The following TNK2 variants were observed in gnomAD, a reference collection of about 807,000 sequenced individuals.
TNK2 encodes activated CDC42 kinase 1.
Under a neutral mutation model 101.8 loss-of-function variants are expected in TNK2, and 83 were observed. That is an observed-to-expected ratio of 0.82 (90% confidence interval 0.68 to 0.98). The LOEUF (loss-of-function observed/expected upper bound fraction) is 0.98, where lower values mean the gene tolerates loss of function less well. Ranked by LOEUF, TNK2 falls within the 50% of genes least tolerant of loss-of-function variation. The pLI is 0.00. For synonymous variants in TNK2, 804 were observed against 633.0 expected (o/e 1.27, Z -4.06); for missense variants, 1,665 against 1,483.2 (o/e 1.12, Z -2.01).
At chr3:195,902,386 G>A (rs1761292438) in intron 1 of TNK2, among the ~76,000 whole-genome samples, 1 of 152,162 alleles carries the variant, frequency 6.6e-6, no homozygotes, top group African/African-American at 2.4e-5. Flanking sequence ...GGGAGGCCGA[G>A]GTGGGCGAAT....
intron 12 of TNK2, 61 bp from the exon 13 acceptor site, chr3:195,868,770 G>T: frequency 6.8e-7 from 1 of 1,473,770 alleles, no homozygotes. Context: ...GACACGAGGG[G>T]AGGTGGCACG....
At chr3:195,892,280 G>A (rs993217214) in intron 1 of TNK2, 34 of 937,532 alleles carry the variant, frequency 3.6e-5, no homozygotes, top group Non-Finnish European at 4.9e-5. Flanking sequence ...CACTTGGCCC[G>A]GACTCCCCGT....
chr3:195,869,566 G>C (rs373262085), intron 11 of TNK2, 25 bp from the exon 12 acceptor site: 48 of 1,551,028 alleles, frequency 3.1e-5, no homozygotes, highest in South Asian at 2.5e-4. Flanking sequence ...ATGCGGACAG[G>C]GGGAGAGAGA....
chr3:195,886,641 C>A lies in TNK2; in HGVS notation c.234+336G>T, dbSNP rs555034897. ...GGGTCCAGACAGGTCCACCACCCCACGCTGGACACTGGCCCCAACGCTCAG... is the reference window on the plus strand; with the variant it reads ...GGGTCCAGACAGGTCCACCACCCCAAGCTGGACACTGGCCCCAACGCTCAG... On this transcript the variant is annotated intron_variant, in intron 3 of 15. Transcript: ENST00000672887. The surrounding 1 kb of genome is among the most constrained non-coding windows in gnomAD (Gnocchi z 4.2). Among the ~76,000 whole-genome samples the A allele has an allele frequency of 6.6e-6, 1 of 152,144 alleles. No individual in the cohort carries two copies. The highest frequency in any genetic ancestry group is 1.5e-5 in the Non-Finnish European group (1 of 68,012).
intron 12 of TNK2, 21 bp downstream of exon 12, chr3:195,869,476 A>G (rs1375316371): frequency 2.0e-6 from 3 of 1,519,752 alleles, no homozygotes; most frequent in South Asian, 2.4e-5. Flanking sequence ...GGGCCAAGGC[A>G]TCGGAAGCAG....
intron 4 of TNK2, 178 bp downstream of exon 4, chr3:195,884,634 A>C: frequency 1.2e-5 from 7 of 585,958 alleles, no homozygotes; most frequent in Non-Finnish European, 2.1e-5. Flanking sequence ...ACAGAGCGAG[A>C]CTCCATCTCA....
intron 6 of TNK2, among the ~76,000 whole-genome samples, chr3:195,879,996 G>A (rs1024458007): frequency 1.8e-4 from 27 of 152,222 alleles, no homozygotes; most frequent in East Asian, 1.5e-3. Context: ...ACCTCTGCTC[G>A]CCCTGGGTGT....
chr3:195,873,820 G>A (rs543898805), intron 9 of TNK2, among the ~76,000 whole-genome samples: 1 of 151,590 alleles, frequency 6.6e-6, no homozygotes, highest in Admixed American at 6.6e-5. Context: ...GGTCGGCGGG[G>A]AGGCGGGGGG....
At chr3:195,893,471 C>T (rs529721549) in intron 1 of TNK2, among the ~76,000 whole-genome samples, 3 of 152,178 alleles carry the variant, frequency 2.0e-5, no homozygotes, top group African/African-American at 7.2e-5. Context: ...GCTGGGACGC[C>T]CCCACCCCAA....
At chr3:195,894,093 C>T (rs1028349466) in intron 1 of TNK2, among the ~76,000 whole-genome samples, 1 of 152,170 alleles carries the variant, frequency 6.6e-6, no homozygotes, top group African/African-American at 2.4e-5. Context: ...TGACTTTTCC[C>T]CAAACCTTGG....
chr3:195,868,142 G>T lies in TNK2; in HGVS notation c.2156C>A (p.Ala719Glu). The T allele has an allele frequency of 6.2e-7, 1 of 1,611,498 alleles. No individual in the cohort carries two copies. The change falls in exon 13 of 16, where the codon GCA becomes GAA. Residue 719 changes from alanine (A) to glutamate (E), a missense_variant. By Grantham distance (107) the Ala-to-Glu change is moderately radical. Around this residue, in one of 3 missense-constraint regions of TNK2, gnomAD observed 1,136 missense variants for 894.9 expected, o/e 1.27. Coordinates refer to ENST00000672887, the MANE Select transcript of TNK2 (RefSeq NM_001382273.1). ...GGKPPSSAQT[A>E]EIFQALQQEC... Reference sequence around the variant, plus strand: ...CTGCTGTAGCGCCTGGAAGATCTCTGCGGTCTGTGCGGAGCTGGGCGGCTT... The same window carrying T: ...CTGCTGTAGCGCCTGGAAGATCTCTTCGGTCTGTGCGGAGCTGGGCGGCTT...
intron 9 of TNK2, among the ~76,000 whole-genome samples, chr3:195,873,527 A>T (rs1441919581): frequency 2.0e-5 from 3 of 150,770 alleles, no homozygotes; most frequent in Non-Finnish European, 4.4e-5. Flanking sequence ...CCGTGGGCAG[A>T]GTCTGGGCAC....
chr3:195,885,268 G>T lies in TNK2; in HGVS notation c.235-235C>A. The T allele has an allele frequency of 6.0e-6, 7 of 1,163,596 alleles. No individual in the cohort carries two copies. The highest frequency in any genetic ancestry group is 7.0e-6 in the Non-Finnish European group (6 of 854,054). The allele number at this position is 1,163,596 out of a possible 1,614,324, so 72.1% of individuals were successfully genotyped here. Reference sequence around the variant, plus strand: ...TCAAGGAGGGTGCCAGAAAGAGACCGACAGGCATGCAGCCTGTGGCTGAGC... The same window carrying T: ...TCAAGGAGGGTGCCAGAAAGAGACCTACAGGCATGCAGCCTGTGGCTGAGC... On this transcript the variant is annotated intron_variant, in intron 3 of 15. Coordinates refer to ENST00000672887, the MANE Select transcript of TNK2 (RefSeq NM_001382273.1). This position sits in a 1 kb window ranked among gnomAD's most constrained non-coding sequence, Gnocchi z 4.7.
At chr3:195,905,573 G>C (rs1269470062) in intron 1 of TNK2, among the ~76,000 whole-genome samples, 2 of 151,918 alleles carry the variant, frequency 1.3e-5, no homozygotes, top group Non-Finnish European at 2.9e-5. Flanking sequence ...GGTGCTACTA[G>C]ATCAATTAGA....
intron 9 of TNK2, among the ~76,000 whole-genome samples, chr3:195,877,504 G>C (rs942833623): frequency 6.6e-6 from 1 of 152,160 alleles, no homozygotes; most frequent in Admixed American, 6.5e-5. Context: ...CAGGAGCTGC[G>C]AGCACAGGGG....
chr3:195,892,600 G>T, intron 1 of TNK2: 6 of 1,455,960 alleles, frequency 4.1e-6, no homozygotes, highest in Non-Finnish European at 5.4e-6. Flanking sequence ...GGTGGGAAAT[G>T]AGGAAGAACG....
In TNK2 at chr3:195,878,649, C is replaced by T; in HGVS notation, c.1015-57G>A. 4 of 1,579,696 alleles carry T rather than the reference C, an allele frequency of 2.5e-6. No homozygotes were observed. The highest frequency in any genetic ancestry group is 1.7e-6 in the Non-Finnish European group (2 of 1,161,552). The stretch of plus-strand genomic sequence containing the variant: ...AAACAGAGCGCCCAGCCCTTCACTT[C>T]CCGCCTTCCCTCCAGCCCATCCACA... On this transcript the variant is annotated intron_variant, in intron 7 of 15. Coordinates refer to ENST00000672887, the MANE Select transcript of TNK2 (RefSeq NM_001382273.1). This position sits in a 1 kb window ranked among gnomAD's most constrained non-coding sequence, Gnocchi z 4.7.
At chr3:195,903,411 TC>T (rs1181664813) in intron 1 of TNK2, among the ~76,000 whole-genome samples, 7 of 152,156 alleles carry the variant, frequency 4.6e-5, no homozygotes, top group Non-Finnish European at 8.8e-5. Context: ...TATCTACCCT[TC>T]TATTCAACAT....
chr3:195,868,881 C>A (rs1742801762), intron 12 of TNK2, 172 bp from the exon 13 acceptor site: 3 of 716,302 alleles, frequency 4.2e-6, no homozygotes, highest in Non-Finnish European at 6.5e-6. Context: ...GCACCTCCGA[C>A]CACTCCATCA....
Sources: allele counts gnomAD v4.1 joint callset (sites outside exome capture counted in the v4.1 genomes callset), GRCh38; gene constraint gnomAD v4.1.1; regional missense constraint gnomAD v4.1.1; non-coding constraint Gnocchi (gnomAD v3.1); transcripts MANE v1.5; gene names NCBI Gene and HGNC (gene_info 2026-07-23, HGNC 2026-07-21).